PTBP2: variants seen among roughly 807,000 people sequenced by gnomAD.
PTBP2 encodes polypyrimidine tract-binding protein 2.
PTBP2 carries 13 observed loss-of-function variants against 61.4 expected under a neutral mutation model. The ratio of observed to expected loss-of-function variants is 0.21; its 90% CI spans 0.14 to 0.34. The LOEUF (loss-of-function observed/expected upper bound fraction) is 0.34, where lower values mean the gene tolerates loss of function less well. Ranked by LOEUF, PTBP2 falls within the 10% of genes least tolerant of loss-of-function variation. The pLI, the probability that PTBP2 is intolerant of heterozygous loss-of-function variation, is 1.00. For missense variants in PTBP2, 405 were observed against 642.6 expected, an observed-to-expected ratio of 0.63 and a Z score of 4.00; for synonymous variants, 215 against 218.5, an observed-to-expected ratio of 0.98 and a Z score of 0.14.
intron 5 of PTBP2, among the ~76,000 whole-genome samples, chr1:96,775,004 A>G (rs1436157227): frequency 1.3e-5 from 2 of 152,168 alleles, no homozygotes. Context: ...TGCCTTTTGC[A>G]CCACCCTTCC....
At chr1:96,723,728 A>G in intron 2 of PTBP2, 134 bp downstream of exon 2, 1 of 727,864 alleles carries the variant, frequency 1.4e-6, no homozygotes, top group African/African-American at 1.7e-5. Context: ...TTTCATTTGT[A>G]AAGTTGGACC....
intron 1 of PTBP2, among the ~76,000 whole-genome samples, chr1:96,722,191 C>T (rs1442505948): frequency 6.6e-6 from 1 of 152,106 alleles, no homozygotes; most frequent in Non-Finnish European, 1.5e-5. Flanking sequence ...CGGTCTGTCC[C>T]TGCCCCCTCT....
At chr1:96,752,475 A>C (rs1654670366) in intron 3 of PTBP2, among the ~76,000 whole-genome samples, 1 of 152,108 alleles carries the variant, frequency 6.6e-6, no homozygotes, top group African/African-American at 2.4e-5. Context: ...TTAACTAAAA[A>C]TTATAAGGAC....
At chr1:96,797,935 G>A (rs273864) in intron 8 of PTBP2, among the ~76,000 whole-genome samples, 2 of 152,260 alleles carry the variant, frequency 1.3e-5, no homozygotes, top group African/African-American at 4.8e-5. Context: ...AATTAGCTGG[G>A]TGTGGTGGTG....
rs960874722 is a variant in PTBP2 at position 96,758,219 on chromosome 1, CTT to C, written c.115+6720_115+6721del. On this transcript the variant is annotated intron_variant, in intron 3 of 13. Coordinates refer to ENST00000674951, the MANE Select transcript of PTBP2 (RefSeq NM_021190.4). ...AGTTTCTTGACAAATGCAAAACTGA[CTT>C]AAGTATATAGCTTAACAGCTATATA... Among the ~76,000 whole-genome samples the C allele has an allele frequency of 8.6e-5, 13 of 151,910 alleles. No individual in the cohort carries two copies. In the East Asian group the frequency reaches 9.7e-4, roughly 11 times the overall value.
rs1339316543 is a variant in PTBP2 at position 96,804,874 on chromosome 1, G to A, written c.979G>A (p.Val327Met). Residue 327 changes from valine to methionine, a missense_variant, in exon 9 of 14, where the codon GTG (valine) becomes ATG (methionine). Physicochemically the swap from Val to Met is conservative, Grantham distance 21 (BLOSUM62 1). This residue lies in a region of PTBP2 where 342 missense variants were observed against 491.2 expected (regional missense o/e 0.70). Coordinates refer to ENST00000674951, the MANE Select transcript of PTBP2 (RefSeq NM_021190.4). The part of the protein sequence containing the change: ...AAAAAAAAGR[V>M]GMPGVSAGGN... The stretch of plus-strand genomic sequence containing the variant: ...AGCTGCTGCAGCTGCTGCTGGCCGA[G>A]TGGGTATGCCTGGAGTCTCAGCTGG... The A allele has an allele frequency of 1.9e-6, 3 of 1,612,322 alleles. No individual in the cohort carries two copies. The highest frequency in any genetic ancestry group is 1.1e-5 in the South Asian group (1 of 90,896).
intron 3 of PTBP2, among the ~76,000 whole-genome samples, chr1:96,753,918 A>G (rs977106833): frequency 6.6e-6 from 1 of 152,290 alleles, no homozygotes; most frequent in Non-Finnish European, 1.5e-5. Flanking sequence ...CTAATGGACA[A>G]TGAAGCAGTC....
At position 96,813,054 on chromosome 1, in the gene PTBP2, C is replaced by G. The variant is rs1571048790; in HGVS notation, c.1414C>G (p.Arg472Gly). 6.2e-7 allele frequency: 1 copy of G among 1,613,264 alleles called. No individual in the cohort carries two copies. Among genetic ancestry groups the G allele is most frequent in the Non-Finnish European group, 8.5e-7 (1 of 1,179,412 alleles). ...IPPSVAEEDLRTLFANTGGTV... is the reference protein window; with the variant it reads ...IPPSVAEEDLGTLFANTGGTV... Reference sequence around the variant, plus strand: ...TCCATCAGTAGCAGAAGAGGATCTACGAACACTGTTCGCTAACACTGGGGG... The same window carrying G: ...TCCATCAGTAGCAGAAGAGGATCTAGGAACACTGTTCGCTAACACTGGGGG... Residue 472 changes from arginine (R) to glycine (G), a missense_variant, in exon 13 of 14, where the codon CGA (arginine) becomes GGA (glycine). This residue lies in a region of PTBP2 where 24 missense variants were observed against 27.7 expected (regional missense o/e 0.87). Coordinates refer to ENST00000674951, the MANE Select transcript of PTBP2 (RefSeq NM_021190.4).
intron 2 of PTBP2, among the ~76,000 whole-genome samples, chr1:96,732,569 G>A (rs964845318): frequency 5.3e-5 from 8 of 152,106 alleles, no homozygotes; most frequent in Non-Finnish European, 8.8e-5. Flanking sequence ...ATACTCTAAT[G>A]AGCCATTTAT....
chr1:96,813,059 A>G lies in PTBP2; in HGVS notation c.1419A>G (p.Thr473=). 8 of 1,613,406 alleles carry G rather than the reference A, an allele frequency of 5.0e-6. No homozygotes were observed. The highest frequency in any genetic ancestry group is 1.7e-4 in the Middle Eastern group (1 of 6,060). Residue 473 remains threonine, a synonymous_variant, in exon 13 of 14, where the codon ACA becomes ACG. Transcript: ENST00000674951. ...PPSVAEEDLR[T]LFANTGGTVK... ...CAGTAGCAGAAGAGGATCTACGAAC[A>G]CTGTTCGCTAACACTGGGGGCACTG...
At chr1:96,795,478 A>G (rs186165372) in intron 8 of PTBP2, among the ~76,000 whole-genome samples, 1 of 152,150 alleles carries the variant, frequency 6.6e-6, no homozygotes, top group African/African-American at 2.4e-5. Flanking sequence ...GAGGCCAGAG[A>G]TGTGATATTT....
intron 2 of PTBP2, among the ~76,000 whole-genome samples, chr1:96,731,615 A>G (rs1651428189): frequency 6.6e-6 from 1 of 152,122 alleles, no homozygotes; most frequent in African/African-American, 2.4e-5. Context: ...ATGTTAATGT[A>G]TTTACATTTA....
intron 8 of PTBP2, among the ~76,000 whole-genome samples, chr1:96,801,490 T>C (rs1052033235): frequency 6.6e-6 from 1 of 152,176 alleles, no homozygotes; most frequent in African/African-American, 2.4e-5. Context: ...TTGCCTCTTT[T>C]TACTTTTTCT....
rs771165543 is a variant in PTBP2, at chr1:96,769,732, G to A, written c.145G>A (p.Gly49Arg). The change falls in exon 4 of 14, where the codon GGA becomes AGA. Residue 49 changes from glycine (G) to arginine (R), a missense_variant. Physicochemically the swap from Gly to Arg is moderately radical, Grantham distance 125 (BLOSUM62 -2). Around this residue, in one of 4 missense-constraint regions of PTBP2, gnomAD observed 342 missense variants for 491.2 expected, o/e 0.70. Coordinates refer to ENST00000674951, the MANE Select transcript of PTBP2 (RefSeq NM_021190.4). ...TGGTAATGATAGTAAAAAATTTAAA[G>A]GAGAAGATAAAATGGATGGTGCTCC... is the stretch of plus-strand genomic sequence containing the variant. ...ANGNDSKKFK[G>R]EDKMDGAPSR... is the part of the protein sequence containing the mutation. 6.2e-7 allele frequency: 1 copy of A among 1,601,566 alleles called. No individual in the cohort carries two copies. The highest frequency in any genetic ancestry group is 2.3e-5 in the East Asian group (1 of 44,236).
chr1:96,770,850 A>C lies in PTBP2; in HGVS notation c.431A>C (p.Gln144Pro). The change falls in exon 5 of 14, where the codon CAA becomes CCA. Residue 144 changes from glutamine to proline, a missense_variant and splice_region_variant. Gln to Pro is a moderately conservative substitution (Grantham distance 76). Coordinates refer to ENST00000674951, the MANE Select transcript of PTBP2 (RefSeq NM_021190.4). ...KELKTDNTLN[Q>P]RAQAVLQAVT... ...CTAAAGACAGATAATACATTAAACCAAGTAAGTATGTGTAGGTACATAAAT... is the reference window on the plus strand; with the variant it reads ...CTAAAGACAGATAATACATTAAACCCAGTAAGTATGTGTAGGTACATAAAT... 1 of 1,562,772 alleles carries C rather than the reference A, an allele frequency of 6.4e-7. No homozygotes were observed. Among genetic ancestry groups the C allele is most frequent in the Non-Finnish European group, 8.8e-7 (1 of 1,134,024 alleles).
chr1:96,764,265 C>G (rs1656395642), intron 3 of PTBP2, among the ~76,000 whole-genome samples: 1 of 152,236 alleles, frequency 6.6e-6, no homozygotes, highest in South Asian at 2.1e-4. Flanking sequence ...TAAATTGATA[C>G]AGTAAGGACA....
intron 2 of PTBP2, among the ~76,000 whole-genome samples, chr1:96,748,591 A>G (rs1654142865): frequency 6.6e-6 from 1 of 152,224 alleles, no homozygotes; most frequent in South Asian, 2.1e-4. Context: ...AGAGATATCT[A>G]TGCTAGTCTT....
chr1:96,741,160 T>A (rs1207897738), intron 2 of PTBP2, among the ~76,000 whole-genome samples: 2 of 150,674 alleles, frequency 1.3e-5, no homozygotes, highest in African/African-American at 2.5e-5. Flanking sequence ...CATTCCCTAT[T>A]AATGCAAAAA....
intron 8 of PTBP2, among the ~76,000 whole-genome samples, chr1:96,801,638 T>G (rs192957982): frequency 2.5e-4 from 37 of 150,260 alleles, no homozygotes; most frequent in African/African-American, 9.1e-4. Flanking sequence ...GTGGATCACC[T>G]GAGGTCAGGA....
Sources: gnomAD v4.1 joint callset for allele counts (sites outside exome capture counted in the v4.1 genomes callset) on GRCh38, gnomAD v4.1.1 for gene constraint, gnomAD v4.1.1 regional missense constraint, MANE v1.5 for transcripts, NCBI Gene and HGNC (gene_info 2026-07-23, HGNC 2026-07-21) for gene names.